The following LARGE2 variants were observed in gnomAD, a reference collection of about 807,000 sequenced individuals.
LARGE2 encodes the protein LARGE xylosyl- and glucuronyltransferase 2, also known as xylosyl- and glucuronyltransferase LARGE2.
Under a neutral mutation model 75.3 loss-of-function variants are expected in LARGE2, and 63 were observed. The observed-to-expected ratio is 0.84, with a 90% CI of 0.68 to 1.03. The LOEUF (loss-of-function observed/expected upper bound fraction) is 1.03, where lower values mean the gene tolerates loss of function less well. LARGE2 is among the 50% of genes least tolerant of loss of function. LARGE2 has a pLI of 0.00. For synonymous variants in LARGE2, 428 were observed against 420.1 expected (o/e 1.02, Z -0.23); for missense variants, 925 against 980.6 (o/e 0.94, Z 0.76).
rs1348176060 is a variant in LARGE2 at position 45,927,347 on chromosome 11, G to GGCCTGGCCCCATGA, written c.1367_1380dup (p.Leu461ProfsTer2). The GGCCTGGCCCCATGA allele has an allele frequency of 6.2e-7, 1 of 1,613,632 alleles. No homozygotes were observed. Among genetic ancestry groups the GGCCTGGCCCCATGA allele is most frequent in the African/African-American group, 1.3e-5 (1 of 74,932 alleles). ...ATGTTGGAAGCCCTGTGCAGGCACTGGCCTGGCCCCATGAGCCTGGCCTTG... is the reference window on the plus strand; with the variant it reads ...ATGTTGGAAGCCCTGTGCAGGCACTGGCCTGGCCCCATGAGCCTGGCCCCATGAGCCTGGCCTTG... On this transcript the variant is annotated frameshift_variant, in exon 11 of 14. Coordinates refer to ENST00000401752, the MANE Select transcript of LARGE2 (RefSeq NM_001300721.2). LOFTEE classifies it high-confidence loss of function.
chr11:45,926,880 G>A lies in LARGE2; in HGVS notation c.1325+9G>A, dbSNP rs1331083651. On this transcript the variant is annotated intron_variant, in intron 10 of 13. Transcript: ENST00000401752. ...CAGCTGTCCATGGACCGGTGAGGGT[G>A]CAGAGGGCAGCCCAGGGGGTATGGC... 1.2e-6 allele frequency: 2 copies of A among 1,604,702 alleles called. No homozygotes were observed. The highest frequency in any genetic ancestry group is 1.7e-5 in the Admixed American group (1 of 59,658).
At chr11:45,928,407 T>C (rs2087345816) in intron 13 of LARGE2, 35 bp downstream of exon 13, 1 of 1,602,294 alleles carries the variant, frequency 6.2e-7, no homozygotes, top group Non-Finnish European at 8.5e-7. Context: ...CACCTTTGAC[T>C]CGAGCACCTC....
chr11:45,928,753 G>T lies in LARGE2; in HGVS notation c.2074G>T (p.Glu692Ter). 6.2e-7 allele frequency: 1 copy of T among 1,614,090 alleles called. No homozygotes were observed. The change falls in exon 14 of 14, where the codon GAA (glutamate) becomes TAA (stop). Residue 692 changes from glutamate to a stop codon, truncating the protein, a stop_gained. Coordinates refer to ENST00000401752, the MANE Select transcript of LARGE2 (RefSeq NM_001300721.2). LOFTEE classifies it high-confidence loss of function. ...TGACTGCCTCCAGGCCCTCAAGGAC[G>T]AATTCCACCAGGACTTGTCCCGCCA... ...YRDCLQALKD[E>*]FHQDLSRHHG... is the part of the protein sequence containing the mutation.
At position 45,923,022 on chromosome 11, in the gene LARGE2, G is replaced by A. The variant is rs2086982018; in HGVS notation, c.140G>A (p.Cys47Tyr). 7.3e-7 allele frequency: 1 copy of A among 1,375,222 alleles called. No homozygotes were observed. The highest frequency in any genetic ancestry group is 9.4e-7 in the Non-Finnish European group (1 of 1,068,208). The allele number at this position is 1,375,222 out of a possible 1,614,324, so 85.2% of individuals were successfully genotyped here. The change falls in exon 2 of 14, where the codon TGC becomes TAC. Residue 47 changes from cysteine (C) to tyrosine (Y), a missense_variant. Physicochemically the swap from Cys to Tyr is radical, Grantham distance 194. This residue lies in a region of LARGE2 where 453 missense variants were observed against 460.2 expected (regional missense o/e 0.98). Coordinates refer to ENST00000401752, the MANE Select transcript of LARGE2 (RefSeq NM_001300721.2). ...GGCGGGCGAGCGGGGGCCCCGGGAT[G>A]CTTCCCCGGCCCGCTCATGCCACGT... ...EPGGRAGAPG[C>Y]FPGPLMPRVP...
intron 8 of LARGE2, 22 bp from the exon 9 acceptor site, chr11:45,926,420 C>A (rs772912308): frequency 6.2e-7 from 1 of 1,613,826 alleles, no homozygotes. Flanking sequence ...TCCCATGGCC[C>A]CAACACCCTC....
chr11:45,928,078 G>C lies in LARGE2; in HGVS notation c.1754+9G>C. On this transcript the variant is annotated intron_variant, in intron 12 of 13. Coordinates refer to ENST00000401752, the MANE Select transcript of LARGE2 (RefSeq NM_001300721.2). ...ACTCTCTACACCTTCAGGTAGGAGA[G>C]GCTACTTCTCTGCCCACTCCACTCA... The C allele has an allele frequency of 6.2e-7, 1 of 1,613,484 alleles. No individual in the cohort carries two copies. Among genetic ancestry groups the C allele is most frequent in the Non-Finnish European group, 8.5e-7 (1 of 1,179,878 alleles).
rs780032704 is a variant in LARGE2 at position 45,923,453 on chromosome 11, A to C, written c.286-20A>C. ...TAGCGGAGAAGGGGGGCTGCTGCCG[A>C]CCTGGGCGTCCCTCCCCAGCTCTTG... is the stretch of plus-strand genomic sequence containing the variant. On this transcript the variant is annotated intron_variant, in intron 2 of 13. Coordinates refer to ENST00000401752, the MANE Select transcript of LARGE2 (RefSeq NM_001300721.2). The C allele has an allele frequency of 8.7e-6, 14 of 1,611,320 alleles. No homozygotes were observed. The highest frequency in any genetic ancestry group is 1.7e-4 in the Middle Eastern group (1 of 5,786).
At chr11:45,927,890 T>G (rs757020911) in intron 11 of LARGE2, 30 bp from the exon 12 acceptor site, 1 of 1,610,828 alleles carries the variant, frequency 6.2e-7, no homozygotes, top group African/African-American at 1.3e-5. Context: ...GCCCCGCTCT[T>G]CTCCCCTGCT....
In LARGE2 at chr11:45,923,502, G is replaced by A; in HGVS notation, c.315G>A (p.Gly105=). Residue 105 remains glycine (G), a synonymous_variant, in exon 3 of 14, where the codon GGG becomes GGA. Transcript: ENST00000401752. ...ELLHVAIVCA[G]HNSSRDVITL... ...TGCATGTGGCCATCGTGTGTGCGGG[G>A]CATAACTCCAGCCGAGACGTCATCA... The A allele has an allele frequency of 6.2e-7, 1 of 1,613,934 alleles. No individual in the cohort carries two copies.
rs2087070671 is a variant in LARGE2 at position 45,924,615 on chromosome 11, A to C, written c.602A>C (p.Asp201Ala). 6.2e-7 allele frequency: 1 copy of C among 1,614,082 alleles called. No homozygotes were observed. The highest frequency in any genetic ancestry group is 2.2e-5 in the East Asian group (1 of 44,870). Residue 201 changes from aspartate (D) to alanine (A), a missense_variant, in exon 5 of 14, where the codon GAC becomes GCC. Physicochemically the swap from Asp to Ala is moderately radical, Grantham distance 126. This residue lies in a region of LARGE2 where 453 missense variants were observed against 460.2 expected (regional missense o/e 0.98). Transcript: ENST00000401752. ...PAELARVIVL[D>A]TDVTFASDIS... ...GAGCTGGCCCGCGTCATTGTCCTGG[A>C]CACGGATGTCACCTTCGCCTCTGAC...
At position 45,926,350 on chromosome 11, in the gene LARGE2, G is replaced by T. The variant is rs1337225113; in HGVS notation, c.1008+3G>T. The T allele has an allele frequency of 1.2e-6, 2 of 1,614,148 alleles. No individual in the cohort carries two copies. The highest frequency in any genetic ancestry group is 2.2e-5 in the South Asian group (2 of 91,076). On this transcript the variant is annotated splice_donor_region_variant and intron_variant, in intron 8 of 13. Transcript: ENST00000401752. ...ACTCTGAGGCGTCTGACCTCAAGGT[G>T]AGTGGGACAAGAGGCTGTGTGGTGG...
chr11:45,928,244 T>C lies in LARGE2; in HGVS notation c.1822T>C (p.Tyr608His), dbSNP rs2087324155. 6.2e-7 allele frequency: 1 copy of C among 1,613,874 alleles called. No individual in the cohort carries two copies. Among genetic ancestry groups the C allele is most frequent in the Non-Finnish European group, 8.5e-7 (1 of 1,180,044 alleles). Residue 608 changes from tyrosine (Y) to histidine (H), a missense_variant, in exon 13 of 14, where the codon TAC becomes CAC. Transcript: ENST00000401752. ...YARWREAQAP[Y>H]RVQWAANYEP... The stretch of plus-strand genomic sequence containing the variant: ...CCGCTGGCGGGAGGCTCAGGCCCCG[T>C]ACCGTGTGCAATGGGCGGCCAACTA...
Position 45,923,172 on chromosome 11 carries a change from G to T in LARGE2, c.285+5G>T. Reference sequence around the variant, plus strand: ...CCGCCGCCGCCCAAGTGCGAGGTAGGTGCGCGCGGCCCTGGCGGCGGGAGT... The same window carrying T: ...CCGCCGCCGCCCAAGTGCGAGGTAGTTGCGCGCGGCCCTGGCGGCGGGAGT... On this transcript the variant is annotated splice_donor_5th_base_variant and intron_variant, in intron 2 of 13. Transcript: ENST00000401752. 7.5e-7 allele frequency: 1 copy of T among 1,333,582 alleles called. No homozygotes were observed. Among genetic ancestry groups the T allele is most frequent in the Non-Finnish European group, 9.5e-7 (1 of 1,050,992 alleles). 82.6% of individuals were successfully genotyped at this position (1,333,582 alleles called of 1,614,324 possible). A position where few individuals can be genotyped will look rare whatever the true frequency, so the allele number is the denominator to read the frequency against.
At position 45,927,463 on chromosome 11, in the gene LARGE2, G is replaced by A. The variant is rs148081395; in HGVS notation, c.1474G>A (p.Val492Met). Reference sequence around the variant, plus strand: ...CCGGCAGGACGTGGCCTACCATGTGGTGTACCGTGAGGGGCCCCTATACCC... The same window carrying A: ...CCGGCAGGACGTGGCCTACCATGTGATGTACCGTGAGGGGCCCCTATACCC... ...AARQDVAYHVVYREGPLYPVN... is the reference protein window; with the variant it reads ...AARQDVAYHVMYREGPLYPVN... The change falls in exon 11 of 14, where the codon GTG becomes ATG. Residue 492 changes from valine (V) to methionine (M), a missense_variant. Coordinates refer to ENST00000401752, the MANE Select transcript of LARGE2 (RefSeq NM_001300721.2). 61 of 1,614,108 alleles carry A rather than the reference G, an allele frequency of 3.8e-5. No homozygotes were observed. In the African/African-American group the frequency reaches 7.3e-4, roughly 19 times the overall value.
Position 45,926,431 on chromosome 11 carries a change from C to T in LARGE2, c.1009-11C>T. The T allele has an allele frequency of 6.2e-7, 1 of 1,613,966 alleles. No individual in the cohort carries two copies. The highest frequency in any genetic ancestry group is 8.5e-7 in the Non-Finnish European group (1 of 1,179,980). On this transcript the variant is annotated splice_polypyrimidine_tract_variant and intron_variant, in intron 8 of 13. Coordinates refer to ENST00000401752, the MANE Select transcript of LARGE2 (RefSeq NM_001300721.2). ...CTGCTCCCATGGCCCCAACACCCTCCTGGGTCCCAGGTGATCCACTGGAAC... is the reference window on the plus strand; with the variant it reads ...CTGCTCCCATGGCCCCAACACCCTCTTGGGTCCCAGGTGATCCACTGGAAC...
chr11:45,924,343 G>T, intron 4 of LARGE2, 66 bp downstream of exon 4: 7 of 1,591,788 alleles, frequency 4.4e-6, no homozygotes, highest in Non-Finnish European at 5.1e-6. Flanking sequence ...CCAAGACCTG[G>T]TGGGGTTGGA....
At position 45,928,862 on chromosome 11, in the gene LARGE2, C is replaced by T; in HGVS notation, c.*17C>T. 6.2e-7 allele frequency: 1 copy of T among 1,612,380 alleles called. No homozygotes were observed. Among genetic ancestry groups the T allele is most frequent in the Non-Finnish European group, 8.5e-7 (1 of 1,179,636 alleles). On this transcript the variant is annotated 3_prime_UTR_variant, in exon 14 of 14. Transcript: ENST00000401752. ...CGAGGCTGAGGCTGGGCCGGCGCTG[C>T]CCCTCATCTTAGCATTGGGCAGACA...
chr11:45,928,386 C>T lies in LARGE2; in HGVS notation c.1950+14C>T, dbSNP rs2087341078. ...CTGGATGCCCAGGTGAGGAGGGCACCTTGCTGCCTCCACCTTTGACTCGAG... is the reference window on the plus strand; with the variant it reads ...CTGGATGCCCAGGTGAGGAGGGCACTTTGCTGCCTCCACCTTTGACTCGAG... On this transcript the variant is annotated intron_variant, in intron 13 of 13. Coordinates refer to ENST00000401752, the MANE Select transcript of LARGE2 (RefSeq NM_001300721.2). The T allele has an allele frequency of 1.2e-6, 2 of 1,610,114 alleles. No homozygotes were observed. Among genetic ancestry groups the T allele is most frequent in the South Asian group, 1.1e-5 (1 of 90,940 alleles).
chr11:45,927,663 G>A, intron 11 of LARGE2, 70 bp downstream of exon 11: 7 of 1,573,432 alleles, frequency 4.4e-6, no homozygotes, highest in Non-Finnish European at 6.0e-6. Flanking sequence ...GGGACCCCAG[G>A]CTTCCATGTC....
Sources: gnomAD v4.1 joint callset for allele counts on GRCh38, gnomAD v4.1.1 for gene constraint, gnomAD v4.1.1 regional missense constraint, MANE v1.5 for transcripts, NCBI Gene and HGNC (gene_info 2026-07-23, HGNC 2026-07-21) for gene names.